The following CPXM2 variants were observed in gnomAD, a reference collection of about 807,000 sequenced individuals.
CPXM2 encodes the protein carboxypeptidase X, M14 family member 2, also known as inactive carboxypeptidase-like protein X2.
In CPXM2, 66 loss-of-function variants were observed where a neutral mutation model predicts 86.1. The ratio of observed to expected loss-of-function variants is 0.77; its 90% CI spans 0.63 to 0.94. The LOEUF (loss-of-function observed/expected upper bound fraction) is 0.94, where lower values mean the gene tolerates loss of function less well. Ranked by LOEUF, CPXM2 falls within the 40% of genes least tolerant of loss-of-function variation. The pLI is 0.00. For synonymous variants in CPXM2, 388 were observed against 400.2 expected, an observed-to-expected ratio of 0.97 and a Z score of 0.36; for missense variants, 948 against 1,026.3, an observed-to-expected ratio of 0.92 and a Z score of 1.04.
chr10:123,809,537 C>CA (rs1382110444), intron 4 of CPXM2, among the ~76,000 whole-genome samples: 2 of 152,120 alleles, frequency 1.3e-5, no homozygotes, highest in African/African-American at 4.8e-5. Flanking sequence ...GATATAAATA[C>CA]ACTCATGTAA....
chr10:123,862,962 A>G (rs1848888674), intron 2 of CPXM2, among the ~76,000 whole-genome samples: 1 of 152,130 alleles, frequency 6.6e-6, no homozygotes, highest in Non-Finnish European at 1.5e-5. Flanking sequence ...TGTCCATGCT[A>G]CTGTCTGAGG....
At chr10:123,932,394 T>C (rs1371014129) in intron 2 of CPXM2, among the ~76,000 whole-genome samples, 2 of 152,230 alleles carry the variant, frequency 1.3e-5, no homozygotes, top group Non-Finnish European at 2.9e-5. Context: ...TAGGACACTC[T>C]TGACCAGTGG....
rs181560234 is a variant in CPXM2, at chr10:123,788,012, G to A, written c.890-7757C>T. Among the ~76,000 whole-genome samples, 19 of 152,070 alleles carry A rather than the reference G, an allele frequency of 1.2e-4. No individual in the cohort carries two copies. In the East Asian group the frequency reaches 1.7e-3, roughly 14 times the overall value. On this transcript the variant is annotated intron_variant, in intron 6 of 13. Transcript: ENST00000241305. ...ATGCAAATACAGGCTGAGAGCGGTG[G>A]CTCATGCCTGTAATCCTAGCACTCT...
At chr10:123,832,172 A>G (rs1848180921) in intron 4 of CPXM2, among the ~76,000 whole-genome samples, 1 of 152,170 alleles carries the variant, frequency 6.6e-6, no homozygotes, top group Non-Finnish European at 1.5e-5. Context: ...TTTTGATTTT[A>G]AAAGAAATTA....
intron 4 of CPXM2, among the ~76,000 whole-genome samples, chr10:123,838,418 C>T (rs1379796795): frequency 6.6e-6 from 1 of 152,176 alleles, no homozygotes; most frequent in African/African-American, 2.4e-5. Flanking sequence ...CACTCCTCTG[C>T]ACTCCAGCCT....
upstream of CPXM2, among the ~76,000 whole-genome samples, chr10:123,895,770 G>A (rs1407009601): frequency 6.6e-6 from 1 of 152,176 alleles, no homozygotes; most frequent in Non-Finnish European, 1.5e-5. Context: ...ACCAGTCGGG[G>A]GTAGTAATGG....
chr10:123,860,300 C>T (rs1848823535), intron 3 of CPXM2, among the ~76,000 whole-genome samples: 1 of 152,194 alleles, frequency 6.6e-6, no homozygotes, highest in African/African-American at 2.4e-5. Flanking sequence ...GATTAGGACT[C>T]TCATCTTTCT....
chr10:123,929,927 G>C (rs1231987122), intron 2 of CPXM2, among the ~76,000 whole-genome samples: 1 of 152,172 alleles, frequency 6.6e-6, no homozygotes, highest in Non-Finnish European at 1.5e-5. Context: ...GGGCGTCCCT[G>C]GTGTGCCCAG....
chr10:123,828,970 T>A (rs1848104158), intron 4 of CPXM2, among the ~76,000 whole-genome samples: 1 of 152,116 alleles, frequency 6.6e-6, no homozygotes, highest in Non-Finnish European at 1.5e-5. Flanking sequence ...ACAAACCACA[T>A]GTCCAACAAA....
chr10:123,784,744 G>A (rs1847011236), intron 6 of CPXM2, among the ~76,000 whole-genome samples: 1 of 152,150 alleles, frequency 6.6e-6, no homozygotes, highest in African/African-American at 2.4e-5. Context: ...TGATTGCTAG[G>A]AAGGTCCTCC....
chr10:123,811,793 T>C (rs1206973961), intron 4 of CPXM2, among the ~76,000 whole-genome samples: 1 of 152,146 alleles, frequency 6.6e-6, no homozygotes, highest in African/African-American at 2.4e-5. Flanking sequence ...AAATATTTCA[T>C]AGCAAAGGTA....
At chr10:123,804,725 G>A (rs888187487) in intron 4 of CPXM2, among the ~76,000 whole-genome samples, 2 of 152,176 alleles carry the variant, frequency 1.3e-5, no homozygotes, top group South Asian at 4.1e-4. Context: ...TCAGTCCAAT[G>A]CTGAAAGAAG....
upstream of CPXM2, among the ~76,000 whole-genome samples, chr10:123,892,224 T>C (rs1239966255): frequency 1.1e-4 from 17 of 152,148 alleles, no homozygotes; most frequent in Non-Finnish European, 2.9e-5. Context: ...GACTTCCCAC[T>C]AGCCATGCTA....
chr10:123,897,991 T>C (rs993852636), intron 2 of CPXM2, among the ~76,000 whole-genome samples: 1 of 152,212 alleles, frequency 6.6e-6, no homozygotes, highest in Admixed American at 6.5e-5. Flanking sequence ...ACACACTCTA[T>C]GAGGCCCCAG....
intron 2 of CPXM2, among the ~76,000 whole-genome samples, chr10:123,927,600 G>A (rs181408823): frequency 3.9e-5 from 6 of 152,312 alleles, no homozygotes; most frequent in Non-Finnish European, 2.9e-5. Context: ...AAGCAAGTGA[G>A]CTCTGGAGTC....
At chr10:123,753,609 C>T (rs934759160) in intron 13 of CPXM2, among the ~76,000 whole-genome samples, 5 of 152,242 alleles carry the variant, frequency 3.3e-5, no homozygotes, top group Non-Finnish European at 7.3e-5. Context: ...TATGAGCGTT[C>T]TTTGAGAACA....
upstream of CPXM2, among the ~76,000 whole-genome samples, chr10:123,940,971 A>G (rs568750617): frequency 6.6e-6 from 1 of 152,120 alleles, no homozygotes; most frequent in Non-Finnish European, 1.5e-5. Context: ...GGAGATCGAG[A>G]CCATCCTGGC....
chr10:123,845,320 A>C (rs895752173), intron 3 of CPXM2, among the ~76,000 whole-genome samples: 1 of 151,482 alleles, frequency 6.6e-6, no homozygotes, highest in African/African-American at 2.4e-5. Flanking sequence ...TTTATAACAA[A>C]CAGAAAAAAA....
chr10:123,901,639 CACCACTGGCTA>C (rs1945382252), intron 2 of CPXM2, among the ~76,000 whole-genome samples: 1 of 152,118 alleles, frequency 6.6e-6, no homozygotes, highest in African/African-American at 2.4e-5. Flanking sequence ...CAAGATGGAT[CACCACTGGCTA>C]ACTGAGCCAA....
Sources: gnomAD v4.1 joint callset for allele counts (sites outside exome capture counted in the v4.1 genomes callset) on GRCh38, gnomAD v4.1.1 for gene constraint, MANE v1.5 for transcripts, NCBI Gene and HGNC (gene_info 2026-07-23, HGNC 2026-07-21) for gene names.